The following KAZN variants were observed in gnomAD, a reference collection of about 807,000 sequenced individuals.
The protein encoded by KAZN is kazrin, periplakin interacting protein.
Under a neutral mutation model 87.4 loss-of-function variants are expected in KAZN, and 40 were observed. The ratio of observed to expected loss-of-function variants is 0.46; its 90% CI spans 0.36 to 0.60. The LOEUF is 0.60. Ranked by LOEUF, KAZN falls within the 20% of genes least tolerant of loss-of-function variation. KAZN has a pLI of 0.00. For missense variants in KAZN, 898 were observed against 1,073.9 expected, an observed-to-expected ratio of 0.84 and a Z score of 2.29; for synonymous variants, 466 against 458.3, an observed-to-expected ratio of 1.02 and a Z score of -0.22.
At chr1:15,087,536 G>T (rs1640318344) in intron 8 of KAZN, among the ~76,000 whole-genome samples, 1 of 152,030 alleles carries the variant, frequency 6.6e-6, no homozygotes, top group Admixed American at 6.6e-5. Context: ...GGGACTACAG[G>T]CATGCACCAC....
chr1:14,548,791 C>A (rs201301936), intron 2 of KAZN, among the ~76,000 whole-genome samples: 1 of 147,458 alleles, frequency 6.8e-6, no homozygotes. Flanking sequence ...TGTGAACATT[C>A]TTTCGTTGTC....
intron 2 of KAZN, among the ~76,000 whole-genome samples, chr1:14,570,655 C>T (rs1282628043): frequency 1.3e-5 from 2 of 152,118 alleles, no homozygotes; most frequent in Non-Finnish European, 2.9e-5. Flanking sequence ...GGAATGTTTC[C>T]ATGTTTGAAC....
At chr1:14,459,367 G>T (rs1667739845) in intron 2 of KAZN, among the ~76,000 whole-genome samples, 1 of 151,802 alleles carries the variant, frequency 6.6e-6, no homozygotes, top group Admixed American at 6.6e-5. Context: ...GTGAGCTAAG[G>T]CTCTTTGTGT....
chr1:14,753,558 C>A (rs1644470257), intron 1 of KAZN, among the ~76,000 whole-genome samples: 1 of 151,918 alleles, frequency 6.6e-6, no homozygotes, highest in South Asian at 2.1e-4. Flanking sequence ...GAGACCCCAC[C>A]TCTAATTATT....
At chr1:14,914,299 C>A (rs921199921) in intron 1 of KAZN, among the ~76,000 whole-genome samples, 8 of 152,184 alleles carry the variant, frequency 5.3e-5, no homozygotes, top group Admixed American at 3.3e-4. Flanking sequence ...TTGCTGTACC[C>A]CCCTGGGCAA....
At chr1:14,520,141 A>G (rs1671510655) in intron 2 of KAZN, among the ~76,000 whole-genome samples, 1 of 152,220 alleles carries the variant, frequency 6.6e-6, no homozygotes, top group South Asian at 2.1e-4. Context: ...AGTATGGCTC[A>G]TGGATGACAC....
Position 14,575,468 on chromosome 1 carries a change from G to A in KAZN, c.250-23515G>A, listed in dbSNP as rs563611317. 7.2e-4 allele frequency among the ~76,000 whole-genome samples: 110 copies of A among 152,174 alleles called. No individual in the cohort carries two copies. In the Middle Eastern group the frequency reaches 0.01, roughly 14 times the overall value. On this transcript the variant is annotated intron_variant, in intron 2 of 16. Transcript: ENST00000636203. ...TATTCACTACCATGAGAACAGTATG[G>A]GGGAAACCATCCCCATGATTCAATT...
chr1:14,267,824 G>T (rs1651611909), intron 2 of KAZN, among the ~76,000 whole-genome samples: 1 of 152,110 alleles, frequency 6.6e-6, no homozygotes, highest in Admixed American at 6.6e-5. Flanking sequence ...GCCAGGCATG[G>T]TGGTGCACAC....
At chr1:14,493,886 C>A (rs1669806665) in intron 2 of KAZN, among the ~76,000 whole-genome samples, 1 of 152,166 alleles carries the variant, frequency 6.6e-6, no homozygotes, top group South Asian at 2.1e-4. Context: ...ACTTTCATTT[C>A]CTTTCAATAC....
Position 13,979,646 on chromosome 1 carries a change from C to T in KAZN, c.91+85890C>T, listed in dbSNP as rs138781455. On this transcript the variant is annotated intron_variant, in intron 1 of 16. Coordinates refer to the KAZN transcript ENST00000636203. ...AATACCGTGTAGAACTTAAAATATGCGGCAGGGTGTGATGGCACACGCCTG... is the reference window on the plus strand; with the variant it reads ...AATACCGTGTAGAACTTAAAATATGTGGCAGGGTGTGATGGCACACGCCTG... Among the ~76,000 whole-genome samples the T allele has an allele frequency of 3.8e-3, 576 of 152,138 alleles. 1 individual carries two copies. Among genetic ancestry groups the T allele is most frequent in the Middle Eastern group, 0.01 (3 of 292 alleles).
chr1:14,092,151 C>T (rs1284119570), intron 1 of KAZN, among the ~76,000 whole-genome samples: 2 of 142,680 alleles, frequency 1.4e-5, no homozygotes, highest in Admixed American at 7.2e-5. Flanking sequence ...AGTGCAGTGG[C>T]GCAATCTCAG....
At chr1:14,638,054 C>A (rs1023940209) in intron 1 of KAZN, among the ~76,000 whole-genome samples, 27 of 152,146 alleles carry the variant, frequency 1.8e-4, no homozygotes, top group African/African-American at 5.8e-4. Flanking sequence ...CTTTACCTGG[C>A]GCTCTCCCCT....
chr1:14,279,654 G>A (rs772763724), intron 2 of KAZN, among the ~76,000 whole-genome samples: 10 of 152,150 alleles, frequency 6.6e-5, no homozygotes, highest in East Asian at 3.8e-4. Flanking sequence ...AAGGATGCCC[G>A]TCTCCTAGAC....
intron 1 of KAZN, among the ~76,000 whole-genome samples, chr1:14,838,898 A>T (rs535647745): frequency 6.6e-6 from 1 of 152,202 alleles, no homozygotes; most frequent in African/African-American, 2.4e-5. Context: ...CTGGAATTGC[A>T]GGTGTGAGCC....
chr1:14,721,190 G>A (rs10803307), intron 1 of KAZN, among the ~76,000 whole-genome samples: 3 of 152,014 alleles, frequency 2.0e-5, no homozygotes, highest in Non-Finnish European at 4.4e-5. Context: ...ATCCCCACAT[G>A]TCATGGGAGG....
intron 1 of KAZN, among the ~76,000 whole-genome samples, chr1:13,936,689 T>C (rs1430092619): frequency 6.6e-6 from 1 of 152,238 alleles, no homozygotes; most frequent in Non-Finnish European, 1.5e-5. Context: ...TTCTTGTTGC[T>C]GCAAAAGATA....
At chr1:13,982,958 C>A (rs1042979793) in intron 1 of KAZN, among the ~76,000 whole-genome samples, 4 of 151,888 alleles carry the variant, frequency 2.6e-5, no homozygotes, top group Non-Finnish European at 5.9e-5. Flanking sequence ...GCTCACAAAC[C>A]CTGAGCTAGA....
intron 1 of KAZN, among the ~76,000 whole-genome samples, chr1:14,043,687 C>A (rs1486519916): frequency 6.6e-6 from 1 of 152,000 alleles, no homozygotes; most frequent in Non-Finnish European, 1.5e-5. Context: ...TATGTGCTTA[C>A]TTTTATGGAG....
intron 1 of KAZN, among the ~76,000 whole-genome samples, chr1:14,812,081 G>A (rs1157599967): frequency 3.9e-5 from 6 of 152,258 alleles, no homozygotes; most frequent in East Asian, 1.9e-4. Context: ...AAGGGACACC[G>A]AGAGCTGTCA....
Sources: gnomAD v4.1 joint callset for allele counts (sites outside exome capture counted in the v4.1 genomes callset) on GRCh38, gnomAD v4.1.1 for gene constraint, MANE v1.5 for transcripts, NCBI Gene and HGNC (gene_info 2026-07-23, HGNC 2026-07-21) for gene names.